Variants in OSBPL3 observed in about 807,000 individuals in gnomAD.
OSBPL3 encodes the protein oxysterol-binding protein-related protein 3.
Under a neutral mutation model 120.1 loss-of-function variants are expected in OSBPL3, and 65 were observed. The ratio of observed to expected loss-of-function variants is 0.54; its 90% confidence interval spans 0.44 to 0.67. OSBPL3 has a LOEUF of 0.67. OSBPL3 is among the 30% of genes least tolerant of loss of function. The pLI, the probability that OSBPL3 is intolerant of heterozygous loss-of-function variation, is 0.00. For synonymous variants in OSBPL3, 416 were observed against 402.6 expected, an observed-to-expected ratio of 1.03 and a Z score of -0.40; for missense variants, 1,004 against 1,082.1, an observed-to-expected ratio of 0.93 and a Z score of 1.01.
In OSBPL3 at chr7:24,940,881, G is replaced by A. The variant is rs544746503; in HGVS notation, c.-150+39005C>T. Among the ~76,000 whole-genome samples, 9 of 151,278 alleles carry A rather than the reference G, an allele frequency of 5.9e-5. No individual in the cohort carries two copies. In the South Asian group the frequency reaches 8.4e-4, roughly 14 times the overall value. ...GTCGCCCAGGCTGGAGTGCACTGGC[G>A]CGATCTCGGCTCACTGCAAGCTCTG... On this transcript the variant is annotated intron_variant, in intron 1 of 22. Transcript: ENST00000313367. The surrounding 1 kb of genome is among the most constrained non-coding windows in gnomAD (Gnocchi z 4.4).
chr7:24,895,026 C>T (rs1317185071), intron 1 of OSBPL3, among the ~76,000 whole-genome samples: 2 of 152,196 alleles, frequency 1.3e-5, no homozygotes, highest in African/African-American at 2.4e-5. Context: ...GACCCGCAGC[C>T]CCTCCCATGC....
At position 24,834,223 on chromosome 7, in the gene OSBPL3, A is replaced by C. The variant is rs1796716560; in HGVS notation, c.1746+263T>G. On this transcript the variant is annotated intron_variant, in intron 15 of 22. Coordinates refer to ENST00000313367, the MANE Select transcript of OSBPL3 (RefSeq NM_015550.4). This position sits in a 1 kb window ranked among gnomAD's most constrained non-coding sequence, Gnocchi z 5.2. ...TCAGCCAGAAGGCTTCTGGAGAAAG[A>C]GGAAGCACAAACCCACAGAACAGAA... 8.4e-7 allele frequency: 1 copy of C among 1,191,664 alleles called. No individual in the cohort carries two copies. The highest frequency in any genetic ancestry group is 1.6e-5 in the African/African-American group (1 of 63,122). 73.8% of individuals were successfully genotyped at this position (1,191,664 alleles called of 1,614,324 possible). A position where few individuals can be genotyped will look rare whatever the true frequency, so the allele number is the denominator to read the frequency against.
rs1284498093 is a variant in OSBPL3, at chr7:24,806,915, T to C, written c.2318-13A>G. 6.2e-7 allele frequency: 1 copy of C among 1,600,636 alleles called. No homozygotes were observed. Among genetic ancestry groups the C allele is most frequent in the Admixed American group, 1.7e-5 (1 of 58,254 alleles). ...TTCGGCATAGGATCTAAGAAGAAAA[T>C]AAATCATTCACCCCTAACTTGCATG... On this transcript the variant is annotated splice_polypyrimidine_tract_variant and intron_variant, in intron 20 of 22. Transcript: ENST00000313367. This position sits in a 1 kb window ranked among gnomAD's most constrained non-coding sequence, Gnocchi z 5.2.
At position 24,804,948 on chromosome 7, in the gene OSBPL3, A is replaced by G. The variant is rs1792844908; in HGVS notation, c.2445-511T>C. Among the ~76,000 whole-genome samples the G allele has an allele frequency of 6.6e-6, 1 of 152,206 alleles. No individual in the cohort carries two copies. The highest frequency in any genetic ancestry group is 1.5e-5 in the Non-Finnish European group (1 of 68,042). ...CATCTTCATTTTTTAATAGCCACATAATATCCAGTTGCGTGGATGTATATG... is the reference window on the plus strand; with the variant it reads ...CATCTTCATTTTTTAATAGCCACATGATATCCAGTTGCGTGGATGTATATG... On this transcript the variant is annotated intron_variant, in intron 21 of 22. Coordinates refer to ENST00000313367, the MANE Select transcript of OSBPL3 (RefSeq NM_015550.4). This position sits in a 1 kb window ranked among gnomAD's most constrained non-coding sequence, Gnocchi z 5.4.
rs1287938090 is a variant in OSBPL3, at chr7:24,799,142, T to G, written c.*1041A>C. The G allele has an allele frequency of 6.6e-6, 1 of 152,650 alleles. No homozygotes were observed. Among genetic ancestry groups the G allele is most frequent in the African/African-American group, 2.4e-5 (1 of 41,464 alleles). 9.5% of individuals were successfully genotyped at this position (152,650 alleles called of 1,614,324 possible). A position where few individuals can be genotyped will look rare whatever the true frequency, so the allele number is the denominator to read the frequency against. On this transcript the variant is annotated 3_prime_UTR_variant, in exon 23 of 23. Transcript: ENST00000313367. This position sits in a 1 kb window ranked among gnomAD's most constrained non-coding sequence, Gnocchi z 5.3. ...TTGTCTATAAGGCAGATGGCAACTT[T>G]TTATACAAGATCTAAAATATGGTGC...
intron 10 of OSBPL3, among the ~76,000 whole-genome samples, chr7:24,853,136 G>GTGTTT (rs1584381133): frequency 6.6e-6 from 1 of 152,212 alleles, no homozygotes; most frequent in South Asian, 2.1e-4. Flanking sequence ...TCAGTGATCA[G>GTGTTT]TGTTTTGTTT....
chr7:24,853,814 G>C (rs1799477044), intron 10 of OSBPL3, among the ~76,000 whole-genome samples: 1 of 152,150 alleles, frequency 6.6e-6, no homozygotes, highest in African/African-American at 2.4e-5. Context: ...GAAGTATTTG[G>C]GTAAAGGGTA....
Position 24,863,645 on chromosome 7 carries a change from A to C in OSBPL3, c.674-46T>G, listed in dbSNP as rs1256532720. The C allele has an allele frequency of 8.1e-7, 1 of 1,230,502 alleles. No homozygotes were observed. The highest frequency in any genetic ancestry group is 1.2e-6 in the Non-Finnish European group (1 of 830,632). The allele number at this position is 1,230,502 out of a possible 1,614,324, so 76.2% of individuals were successfully genotyped here. ...GTGCTCACAATGCTCCACTAGCAAGAGGGATCACTGTGCTGTCCCCATGCC... is the reference window on the plus strand; with the variant it reads ...GTGCTCACAATGCTCCACTAGCAAGCGGGATCACTGTGCTGTCCCCATGCC... On this transcript the variant is annotated intron_variant, in intron 7 of 22. Coordinates refer to ENST00000313367, the MANE Select transcript of OSBPL3 (RefSeq NM_015550.4). This position sits in a 1 kb window ranked among gnomAD's most constrained non-coding sequence, Gnocchi z 5.8.
intron 1 of OSBPL3, among the ~76,000 whole-genome samples, chr7:24,923,354 G>A (rs756461529): frequency 1.4e-3 from 207 of 152,190 alleles, no homozygotes; most frequent in Non-Finnish European, 1.7e-3. Flanking sequence ...CCTGTCCACT[G>A]GAGTAACCCC....
In OSBPL3 at chr7:24,968,998, C is replaced by G. The variant is rs892351995; in HGVS notation, c.-150+10888G>C. ...ATATCATTTTGTGAATTTTGCATAT[C>G]TGTAGGATAAAGTTCTTAGGACTGT... On this transcript the variant is annotated intron_variant, in intron 1 of 22. Transcript: ENST00000313367. This position sits in a 1 kb window ranked among gnomAD's most constrained non-coding sequence, Gnocchi z 4.6. Among the ~76,000 whole-genome samples the G allele has an allele frequency of 1.3e-5, 2 of 152,138 alleles. No homozygotes were observed. The highest frequency in any genetic ancestry group is 2.9e-5 in the Non-Finnish European group (2 of 68,036).
rs146082112 is a variant in OSBPL3 at position 24,883,468 on chromosome 7, C to G, written c.96+8909G>C. Among the ~76,000 whole-genome samples the G allele has an allele frequency of 2.2e-3, 328 of 152,268 alleles. No homozygotes were observed. The highest frequency in any genetic ancestry group is 7.6e-3 in the African/African-American group (316 of 41,544). On this transcript the variant is annotated intron_variant, in intron 2 of 22. Transcript: ENST00000313367. The surrounding 1 kb of genome is among the most constrained non-coding windows in gnomAD (Gnocchi z 5.4). ...ATAGCTTCTTGAGAACATTCCATTA[C>G]CTTGTACAGCTGCTATGCTGTGCTC...
intron 1 of OSBPL3, among the ~76,000 whole-genome samples, chr7:24,950,957 AT>A (rs1039837258): frequency 1.3e-5 from 2 of 152,202 alleles, no homozygotes; most frequent in Non-Finnish European, 2.9e-5. Flanking sequence ...TAAGCTTCAT[AT>A]TTTATATAAA....
chr7:24,889,521 G>T (rs1178959338), intron 2 of OSBPL3, among the ~76,000 whole-genome samples: 2 of 151,974 alleles, frequency 1.3e-5, no homozygotes, highest in Non-Finnish European at 2.9e-5. Context: ...ACTTCCTAAA[G>T]TGTACATGTA....
chr7:24,870,971 C>G lies in OSBPL3; in HGVS notation c.268-126G>C, dbSNP rs1802028043. ...ACACTGCGACTCATCAAGCACTTAG[C>G]GTGAGCCAGTGCTGAGTTACGTGCT... is the stretch of plus-strand genomic sequence containing the variant. On this transcript the variant is annotated intron_variant, in intron 4 of 22. Transcript: ENST00000313367. The G allele has an allele frequency of 1.0e-5, 7 of 686,424 alleles. No individual in the cohort carries two copies. The Admixed American group carries it at 1.4e-4, about 14-fold the overall frequency. The allele number at this position is 686,424 out of a possible 1,614,324, so 42.5% of individuals were successfully genotyped here.
rs986709497 is a variant in OSBPL3, at chr7:24,968,162, A to T, written c.-150+11724T>A. Among the ~76,000 whole-genome samples, 9 of 152,244 alleles carry T rather than the reference A, an allele frequency of 5.9e-5. No homozygotes were observed. The highest frequency in any genetic ancestry group is 1.0e-4 in the Non-Finnish European group (7 of 68,042). On this transcript the variant is annotated intron_variant, in intron 1 of 22. Transcript: ENST00000313367. The surrounding 1 kb of genome is among the most constrained non-coding windows in gnomAD (Gnocchi z 4.6). ...TATAGCAACCTCTTGTATAATCTTC[A>T]AAAGATATTTTATATTTTTATATAT...
At chr7:24,839,228 A>T (rs1797389914) in intron 14 of OSBPL3, among the ~76,000 whole-genome samples, 1 of 152,224 alleles carries the variant, frequency 6.6e-6, no homozygotes, top group Non-Finnish European at 1.5e-5. Flanking sequence ...ACAAACCTAG[A>T]GACTCCAAGG....
chr7:24,904,837 A>G (rs1324278735), intron 1 of OSBPL3, among the ~76,000 whole-genome samples: 1 of 146,802 alleles, frequency 6.8e-6, no homozygotes, highest in East Asian at 2.0e-4. Flanking sequence ...GGTGGCTGTC[A>G]GGGGCTGGGG....
At position 24,940,541 on chromosome 7, in the gene OSBPL3, A is replaced by G. The variant is rs1199724810; in HGVS notation, c.-150+39345T>C. ...TTTAGTGAGAGAAAGCAGATGGGAA[A>G]GACAGGGGCCGTGATGGAGGAAAGG... is the stretch of plus-strand genomic sequence containing the variant. On this transcript the variant is annotated intron_variant, in intron 1 of 22. Coordinates refer to ENST00000313367, the MANE Select transcript of OSBPL3 (RefSeq NM_015550.4). The surrounding 1 kb of genome is among the most constrained non-coding windows in gnomAD (Gnocchi z 4.4). Among the ~76,000 whole-genome samples the G allele has an allele frequency of 6.6e-6, 1 of 152,184 alleles. No homozygotes were observed. Among genetic ancestry groups the G allele is most frequent in the African/African-American group, 2.4e-5 (1 of 41,448 alleles).
At chr7:24,876,842 C>T (rs1802920127) in intron 2 of OSBPL3, among the ~76,000 whole-genome samples, 1 of 152,140 alleles carries the variant, frequency 6.6e-6, no homozygotes, top group African/African-American at 2.4e-5. Context: ...GTCTTGTTCA[C>T]TACTTAAAAT....
Sources: gnomAD v4.1 joint callset for allele counts (sites outside exome capture counted in the v4.1 genomes callset) on GRCh38, gnomAD v4.1.1 for gene constraint, Gnocchi (gnomAD v3.1) non-coding constraint, MANE v1.5 for transcripts, NCBI Gene and HGNC (gene_info 2026-07-23, HGNC 2026-07-21) for gene names.